The following CCDC68 variants were observed in gnomAD, a reference collection of about 807,000 sequenced individuals.
CCDC68 encodes coiled-coil domain-containing protein 68.
Under a neutral mutation model 47.1 loss-of-function variants are expected in CCDC68, and 45 were observed. The observed-to-expected ratio is 0.96, with a 90% CI of 0.75 to 1.23. The LOEUF (loss-of-function observed/expected upper bound fraction) is 1.23, where lower values mean the gene tolerates loss of function less well. CCDC68 is among the 50% of genes most tolerant of loss of function. The pLI, the probability that CCDC68 is intolerant of heterozygous loss-of-function variation, is 0.00. For missense variants in CCDC68, 353 were observed against 373.6 expected (o/e 0.94, Z 0.45); for synonymous variants, 131 against 129.5 (o/e 1.01, Z -0.08).
intron 1 of CCDC68, among the ~76,000 whole-genome samples, chr18:54,950,800 A>G: frequency 1.2e-5 from 1 of 86,922 alleles, no homozygotes; most frequent in Non-Finnish European, 2.3e-5. Context: ...ATATATATAT[A>G]TATGATGCAA....
chr18:54,918,083 T>A (rs1336223743), intron 9 of CCDC68, 87 bp from the exon 10 acceptor site: 3 of 621,168 alleles, frequency 4.8e-6, no homozygotes, highest in Non-Finnish European at 8.3e-6. Flanking sequence ...ATTTCTGAGG[T>A]CAAAAGATGT....
intron 1 of CCDC68, among the ~76,000 whole-genome samples, chr18:54,950,011 A>G (rs2044587703): frequency 6.6e-6 from 1 of 152,168 alleles, no homozygotes; most frequent in African/African-American, 2.4e-5. Flanking sequence ...CCGGTGTCCT[A>G]GCATATGAGA....
intron 2 of CCDC68, among the ~76,000 whole-genome samples, chr18:54,943,344 T>G (rs2044469555): frequency 6.6e-6 from 1 of 152,098 alleles, no homozygotes; most frequent in Admixed American, 6.6e-5. Context: ...TGTATTATTA[T>G]CTCATGAAAA....
chr18:54,906,709 C>T (rs1046183184), intron 11 of CCDC68, among the ~76,000 whole-genome samples: 3 of 152,198 alleles, frequency 2.0e-5, no homozygotes, highest in Non-Finnish European at 4.4e-5. Context: ...TCGACTCTCC[C>T]TGCTTCTGAA....
rs993677550 is a variant in CCDC68, at chr18:54,922,402, G to A, written c.684-3026C>T. On this transcript the variant is annotated intron_variant, in intron 8 of 11. Coordinates refer to ENST00000591504, the MANE Select transcript of CCDC68 (RefSeq NM_025214.3). ...GGGCAGGATGTCTTCAGAAGTCCGGGGAGATTGGGAGTGTGCGAGAGGCAG... is the reference window on the plus strand; with the variant it reads ...GGGCAGGATGTCTTCAGAAGTCCGGAGAGATTGGGAGTGTGCGAGAGGCAG... Among the ~76,000 whole-genome samples the A allele has an allele frequency of 2.6e-5, 4 of 152,130 alleles. No individual in the cohort carries two copies. The East Asian group carries it at 5.8e-4, about 22-fold the overall frequency.
chr18:54,936,585 C>T (rs2044353081), intron 6 of CCDC68, among the ~76,000 whole-genome samples: 1 of 152,052 alleles, frequency 6.6e-6, no homozygotes, highest in African/African-American at 2.4e-5. Context: ...GCACTGCCTC[C>T]CTCCCACCTG....
chr18:54,932,359 A>G (rs1023530456), intron 7 of CCDC68, among the ~76,000 whole-genome samples: 1 of 145,856 alleles, frequency 6.9e-6, no homozygotes, highest in African/African-American at 2.5e-5. Context: ...TAATTTTTGA[A>G]TTTTTTTTTT....
intron 1 of CCDC68, among the ~76,000 whole-genome samples, chr18:54,950,803 T>TATATA (rs35471289): frequency 2.3e-5 from 2 of 87,194 alleles, no homozygotes; most frequent in Admixed American, 1.1e-4. Context: ...TATATATATA[T>TATATA]GATGCAATAA....
At chr18:54,908,896 G>C (rs939689715) in intron 10 of CCDC68, among the ~76,000 whole-genome samples, 7 of 152,056 alleles carry the variant, frequency 4.6e-5, no homozygotes, top group Non-Finnish European at 8.8e-5. Context: ...TTTGGGTAGA[G>C]ACAGGGTTTC....
chr18:54,937,834 T>G (rs1228224436), intron 5 of CCDC68, 123 bp downstream of exon 5: 4 of 634,890 alleles, frequency 6.3e-6, no homozygotes, highest in Non-Finnish European at 1.0e-5. Flanking sequence ...TAAGTGAGCA[T>G]GCAGATGGAC....
chr18:54,926,600 C>A (rs114498143), intron 8 of CCDC68, among the ~76,000 whole-genome samples: 2 of 152,096 alleles, frequency 1.3e-5, no homozygotes, highest in Non-Finnish European at 2.9e-5. Context: ...CTTAAAAAGG[C>A]CTGCATATTT....
intron 8 of CCDC68, among the ~76,000 whole-genome samples, chr18:54,920,149 T>C (rs12971052): frequency 0.99 from 149,978 of 152,258 alleles, 73,920 homozygotes; most frequent in East Asian, 1. Context: ...GGCAACACCA[T>C]CAAGCTTAGA....
chr18:54,939,367 C>A (rs763781608), intron 4 of CCDC68, among the ~76,000 whole-genome samples: 2 of 151,928 alleles, frequency 1.3e-5, no homozygotes, highest in Non-Finnish European at 2.9e-5. Flanking sequence ...TTTCAAACTT[C>A]AATGTGCCTG....
At chr18:54,924,606 A>G (rs2044115551) in intron 8 of CCDC68, among the ~76,000 whole-genome samples, 1 of 152,216 alleles carries the variant, frequency 6.6e-6, no homozygotes, top group Non-Finnish European at 1.5e-5. Flanking sequence ...ATTCCTTAGC[A>G]TTCAAGAAAG....
chr18:54,931,129 T>G (rs9951520), intron 7 of CCDC68, among the ~76,000 whole-genome samples: 2 of 151,882 alleles, frequency 1.3e-5, no homozygotes, highest in African/African-American at 4.8e-5. Context: ...TAACAAATGT[T>G]AAATAGACTT....
chr18:54,949,975 ACTC>A lies in CCDC68; in HGVS notation c.-102-4501_-102-4499del, dbSNP rs1263069089. Among the ~76,000 whole-genome samples, 3 of 152,096 alleles carry A rather than the reference ACTC, an allele frequency of 2.0e-5. No individual in the cohort carries two copies. In the East Asian group the frequency reaches 5.8e-4, roughly 30 times the overall value. Reference sequence around the variant, plus strand: ...CAGTGGCTACGTCAGGAGGATCCTAACTCCTCATCTCACAACCTGATTTCACCG... The same window carrying A: ...CAGTGGCTACGTCAGGAGGATCCTAACTCATCTCACAACCTGATTTCACCG... On this transcript the variant is annotated intron_variant, in intron 1 of 11. Transcript: ENST00000591504.
intron 7 of CCDC68, among the ~76,000 whole-genome samples, chr18:54,931,335 C>G: frequency 6.6e-6 from 1 of 152,208 alleles, no homozygotes; most frequent in South Asian, 2.1e-4. Context: ...GAGTTCACAG[C>G]ACCACACAGT....
chr18:54,918,270 A>G (rs1386877624), intron 9 of CCDC68, among the ~76,000 whole-genome samples: 1 of 152,212 alleles, frequency 6.6e-6, no homozygotes, highest in African/African-American at 2.4e-5. Flanking sequence ...CTGTGAAAGC[A>G]GCACTGGCCG....
At chr18:54,953,586 A>C (rs1358645128) in intron 1 of CCDC68, among the ~76,000 whole-genome samples, 2 of 152,030 alleles carry the variant, frequency 1.3e-5, no homozygotes, top group African/African-American at 4.8e-5. Flanking sequence ...AGAGCAATGG[A>C]ATCAGGGTTG....
Sources: allele counts gnomAD v4.1 joint callset (sites outside exome capture counted in the v4.1 genomes callset), GRCh38; gene constraint gnomAD v4.1.1; transcripts MANE v1.5; gene names NCBI Gene and HGNC (gene_info 2026-07-23, HGNC 2026-07-21).